The following CENPE variants were observed in gnomAD, a reference collection of about 807,000 sequenced individuals.
CENPE encodes centromere protein E, also known as centromere-associated protein E.
In CENPE, 145 loss-of-function variants were observed where a neutral mutation model predicts 336.1. The observed-to-expected ratio is 0.43, with a 90% CI of 0.38 to 0.50. The LOEUF (loss-of-function observed/expected upper bound fraction) is 0.50, where lower values mean the gene tolerates loss of function less well. Ranked by LOEUF, CENPE falls within the 20% of genes least tolerant of loss-of-function variation. CENPE has a pLI of 0.00. For synonymous variants in CENPE, 1,013 were observed against 984.8 expected (o/e 1.03, Z -0.54); for missense variants, 2,719 against 3,023.3 (o/e 0.90, Z 2.36).
chr4:103,167,618 C>T (rs1235678710), intron 16 of CENPE, among the ~76,000 whole-genome samples: 2 of 152,288 alleles, frequency 1.3e-5, no homozygotes, highest in East Asian at 3.9e-4. Context: ...GTACCTATTA[C>T]AGACAAGTCT....
rs924409014 is a variant in CENPE, at chr4:103,143,366, T to C, written c.5186A>G (p.His1729Arg). 1.2e-6 allele frequency: 2 copies of C among 1,605,938 alleles called. No individual in the cohort carries two copies. The highest frequency in any genetic ancestry group is 1.7e-6 in the Non-Finnish European group (2 of 1,174,648). ...KQEELKIVHM[H>R]LKEHQETIDK... ...AATAGTTTCTTGGTGCTCCTTCAGA[T>C]GCATGTGAACAATTTTTAGCTCCTC... The change falls in exon 34 of 49, where the codon CAT becomes CGT. Residue 1729 changes from histidine to arginine, a missense_variant. Physicochemically the swap from His to Arg is conservative, Grantham distance 29. This residue lies in a region of CENPE where 2,437 missense variants were observed against 2,513.3 expected (regional missense o/e 0.97). Coordinates refer to ENST00000265148, the MANE Select transcript of CENPE (RefSeq NM_001813.3).
rs1755713591 is a variant in CENPE, at chr4:103,174,765, G to A, written c.1618C>T (p.Leu540=). Residue 540 remains leucine, a synonymous_variant, in exon 16 of 49, where the codon CTA becomes TTA. Transcript: ENST00000265148. Reference sequence around the variant, plus strand: ...TGATCTTTTTTAGTTTTTCTTTCTAGAGCCTCAAATTCATCCAAATCATTC... The same window carrying A: ...TGATCTTTTTTAGTTTTTCTTTCTAAAGCCTCAAATTCATCCAAATCATTC... The part of the protein sequence containing the change: ...EKNDLDEFEA[L]ERKTKKDQEM... The A allele has an allele frequency of 6.5e-7, 1 of 1,536,362 alleles. No homozygotes were observed. Among genetic ancestry groups the A allele is most frequent in the Admixed American group, 2.2e-5 (1 of 45,694 alleles).
chr4:103,177,123 T>C, intron 13 of CENPE, 77 bp from the exon 14 acceptor site: 1 of 1,218,832 alleles, frequency 8.2e-7, no homozygotes, highest in Non-Finnish European at 1.1e-6. Context: ...TAGTTTCTAT[T>C]TTTGAAAACC....
At chr4:103,132,640 A>G in intron 42 of CENPE, 53 bp downstream of exon 42, 1 of 873,340 alleles carries the variant, frequency 1.1e-6, no homozygotes. Flanking sequence ...ATGAGGTAGG[A>G]CAATTAAAGC....
chr4:103,151,985 G>T (rs773125064), intron 25 of CENPE, among the ~76,000 whole-genome samples: 1 of 152,116 alleles, frequency 6.6e-6, no homozygotes, highest in African/African-American at 2.4e-5. Flanking sequence ...ACAAATGGTC[G>T]CATTCTACTA....
At chr4:103,119,641 G>C (rs765887058) in intron 44 of CENPE, among the ~76,000 whole-genome samples, 1 of 152,076 alleles carries the variant, frequency 6.6e-6, no homozygotes, top group Non-Finnish European at 1.5e-5. Context: ...AGAAATGTGG[G>C]AAGTGGCTGG....
intron 42 of CENPE, among the ~76,000 whole-genome samples, chr4:103,129,654 G>A (rs1751417507): frequency 1.3e-5 from 2 of 152,222 alleles, no homozygotes; most frequent in Admixed American, 6.5e-5. Context: ...AACCTGGGAG[G>A]CAGAGGTTGC....
intron 16 of CENPE, among the ~76,000 whole-genome samples, chr4:103,169,767 G>A (rs1250967639): frequency 6.6e-6 from 1 of 152,114 alleles, no homozygotes; most frequent in African/African-American, 2.4e-5. Context: ...ATTTGACTCA[G>A]CAAGCCCATT....
intron 16 of CENPE, among the ~76,000 whole-genome samples, chr4:103,170,831 AG>A (rs1323405712): frequency 6.6e-6 from 1 of 152,140 alleles, no homozygotes; most frequent in African/African-American, 2.4e-5. Context: ...ATGGAAAGGA[AG>A]GGGTGGAAAA....
chr4:103,139,365 A>G (rs1471659134), intron 38 of CENPE, among the ~76,000 whole-genome samples: 2 of 152,220 alleles, frequency 1.3e-5, no homozygotes, highest in South Asian at 4.1e-4. Context: ...GAGGAACTTA[A>G]TTTTTATATT....
intron 40 of CENPE, among the ~76,000 whole-genome samples, chr4:103,135,292 A>G (rs1267484034): frequency 6.6e-6 from 1 of 152,200 alleles, no homozygotes; most frequent in Non-Finnish European, 1.5e-5. Context: ...CTAAATGTCT[A>G]CTTGGTTTCT....
chr4:103,163,019 A>G (rs1293952958), intron 18 of CENPE, 118 bp downstream of exon 18: 1 of 707,890 alleles, frequency 1.4e-6, no homozygotes, highest in East Asian at 2.9e-5. Flanking sequence ...AATGAAATAT[A>G]TATAAATTTA....
At position 103,181,319 on chromosome 4, in the gene CENPE, TA is replaced by T; in HGVS notation, c.1083+17del. Reference sequence around the variant, plus strand: ...AATTGGTTCTTTCAATTTAATGAAATAAATGATTCATACATACCTCCTCTAA... The same window carrying T: ...AATTGGTTCTTTCAATTTAATGAAATAATGATTCATACATACCTCCTCTAA... On this transcript the variant is annotated intron_variant, in intron 12 of 48. Coordinates refer to ENST00000265148, the MANE Select transcript of CENPE (RefSeq NM_001813.3). The T allele has an allele frequency of 6.8e-7, 1 of 1,461,334 alleles. No individual in the cohort carries two copies. Among genetic ancestry groups the T allele is most frequent in the South Asian group, 1.3e-5 (1 of 75,164 alleles). The allele number at this position is 1,461,334 out of a possible 1,614,324, so 90.5% of individuals were successfully genotyped here.
chr4:103,172,379 A>G (rs987318867), intron 16 of CENPE, among the ~76,000 whole-genome samples: 3 of 152,052 alleles, frequency 2.0e-5, no homozygotes, highest in Non-Finnish European at 4.4e-5. Flanking sequence ...ACAGATGCAG[A>G]AAAATCATGA....
At chr4:103,127,663 T>C (rs1200310418) in intron 42 of CENPE, among the ~76,000 whole-genome samples, 1 of 152,178 alleles carries the variant, frequency 6.6e-6, no homozygotes, top group African/African-American at 2.4e-5. Flanking sequence ...ATTTTGTTAT[T>C]ATAAGGTACT....
At chr4:103,191,695 A>T (rs1168702377) in intron 8 of CENPE, among the ~76,000 whole-genome samples, 2 of 152,026 alleles carry the variant, frequency 1.3e-5, no homozygotes, top group Admixed American at 6.6e-5. Context: ...ACCTAATGTA[A>T]ATGACGAGTT....
rs754911120 is a variant in CENPE at position 103,158,705 on chromosome 4, G to GT, written c.2782dup (p.Thr928AsnfsTer6). On this transcript the variant is annotated frameshift_variant, in exon 23 of 49. Transcript: ENST00000265148. LOFTEE classifies it high-confidence loss of function. ...TTGTTTTAGATCATCTTTTTCTTGA[G>GT]TTAAAGTTTTTACTTCTTCTAAAGT... The GT allele has an allele frequency of 6.2e-7, 1 of 1,612,742 alleles. No individual in the cohort carries two copies. The highest frequency in any genetic ancestry group is 8.5e-7 in the Non-Finnish European group (1 of 1,179,310).
chr4:103,132,752 T>A lies in CENPE; in HGVS notation c.6865A>T (p.Ile2289Phe). 1 of 1,574,294 alleles carries A rather than the reference T, an allele frequency of 6.4e-7. No individual in the cohort carries two copies. The highest frequency in any genetic ancestry group is 8.7e-7 in the Non-Finnish European group (1 of 1,149,902). ...RFDIEKLKNG[I>F]QKENDRICQV... ...CAAATCCTATCATTTTCTTTCTGGA[T>A]GCCATTTTTAAGCTTTTCTATATCA... The change falls in exon 42 of 49, where the codon ATC (isoleucine) becomes TTC (phenylalanine). Residue 2289 changes from isoleucine (I) to phenylalanine (F), a missense_variant. Ile to Phe is a conservative substitution (Grantham distance 21). This residue lies in a region of CENPE where 2,437 missense variants were observed against 2,513.3 expected (regional missense o/e 0.97). Transcript: ENST00000265148.
chr4:103,106,481 G>A (rs1377793598), intron 48 of CENPE, among the ~76,000 whole-genome samples, 165 bp from the exon 49 acceptor site: 1 of 152,204 alleles, frequency 6.6e-6, no homozygotes, highest in African/African-American at 2.4e-5. Context: ...TCACCTCAGA[G>A]TTGGAGAAGT....
Sources: gnomAD v4.1 joint callset for allele counts (sites outside exome capture counted in the v4.1 genomes callset) on GRCh38, gnomAD v4.1.1 for gene constraint, gnomAD v4.1.1 regional missense constraint, MANE v1.5 for transcripts, NCBI Gene and HGNC (gene_info 2026-07-23, HGNC 2026-07-21) for gene names.